Variants in HECTD4 observed in about 807,000 individuals in gnomAD.
The protein encoded by HECTD4 is probable E3 ubiquitin-protein ligase HECTD4.
A neutral mutation model predicts 471.5 loss-of-function variants in HECTD4; 114 were observed. That is an observed-to-expected ratio of 0.24 (90% confidence interval 0.21 to 0.28). HECTD4 has a LOEUF of 0.28. Ranked by LOEUF, HECTD4 falls within the 10% of genes least tolerant of loss-of-function variation. The pLI is 1.00. For synonymous variants in HECTD4, 2,012 were observed against 2,256.0 expected (o/e 0.89, Z 3.07); for missense variants, 3,866 against 5,651.5 (o/e 0.68, Z 10.13).
chr12:112,286,169 A>AC (rs1291908129), intron 7 of HECTD4, among the ~76,000 whole-genome samples: 1 of 152,236 alleles, frequency 6.6e-6, no homozygotes, highest in Non-Finnish European at 1.5e-5. Context: ...CTACTTTAGC[A>AC]AAGGCGCTCT....
intron 65 of HECTD4, among the ~76,000 whole-genome samples, chr12:112,176,257 G>C (rs2031443107): frequency 6.6e-6 from 1 of 152,234 alleles, no homozygotes; most frequent in South Asian, 2.1e-4. Flanking sequence ...GTGCCTTCTA[G>C]AACAAAGCGT....
chr12:112,298,148 C>T (rs1217542240), intron 7 of HECTD4, among the ~76,000 whole-genome samples: 1 of 152,008 alleles, frequency 6.6e-6, no homozygotes, highest in Admixed American at 6.6e-5. Context: ...AAATAAATGC[C>T]GTCAAGAGTT....
chr12:112,230,665 T>G (rs777395253), intron 40 of HECTD4, 22 bp downstream of exon 40: 1 of 1,592,772 alleles, frequency 6.3e-7, no homozygotes, highest in African/African-American at 1.3e-5. Context: ...TTTTCTCAGT[T>G]GAGTAGCAAC....
intron 7 of HECTD4, among the ~76,000 whole-genome samples, chr12:112,299,861 T>C (rs2035126001): frequency 6.6e-6 from 1 of 152,248 alleles, no homozygotes; most frequent in Admixed American, 6.5e-5. Context: ...TTTTAATTGT[T>C]CTATTTCCTC....
intron 1 of HECTD4, among the ~76,000 whole-genome samples, chr12:112,320,009 T>A (rs1456498425): frequency 1.3e-5 from 2 of 152,150 alleles, no homozygotes; most frequent in Non-Finnish European, 2.9e-5. Flanking sequence ...AGTGTGAAAG[T>A]CAGAAATTAA....
intron 1 of HECTD4, among the ~76,000 whole-genome samples, chr12:112,354,071 T>A (rs1358723192): frequency 6.6e-6 from 1 of 151,910 alleles, no homozygotes; most frequent in Admixed American, 6.6e-5. Flanking sequence ...AGATTTTTAT[T>A]TTTTATTTTG....
At chr12:112,348,021 G>T (rs910929524) in intron 1 of HECTD4, among the ~76,000 whole-genome samples, 1 of 152,026 alleles carries the variant, frequency 6.6e-6, no homozygotes. Context: ...GTCTGGATAG[G>T]CCATAGAGAT....
chr12:112,267,622 T>A (rs954955874), intron 13 of HECTD4, among the ~76,000 whole-genome samples: 1 of 152,118 alleles, frequency 6.6e-6, no homozygotes, highest in Non-Finnish European at 1.5e-5. Flanking sequence ...CAGAACTGGT[T>A]AGAGAGAATT....
chr12:112,217,340 C>T (rs978543547), intron 45 of HECTD4, 145 bp from the exon 46 acceptor site: 9 of 432,420 alleles, frequency 2.1e-5, no homozygotes, highest in Admixed American at 8.5e-5. Flanking sequence ...CACACATACA[C>T]ACACACACAC....
chr12:112,191,937 A>G (rs957291670), intron 59 of HECTD4, among the ~76,000 whole-genome samples: 4 of 152,160 alleles, frequency 2.6e-5, no homozygotes, highest in African/African-American at 9.7e-5. Flanking sequence ...CAAGCATGCC[A>G]AGGAGGAGCA....
At chr12:112,195,451 C>T (rs1199267595) in intron 55 of HECTD4, among the ~76,000 whole-genome samples, 9 of 152,118 alleles carry the variant, frequency 5.9e-5, no homozygotes, top group Non-Finnish European at 1.3e-4. Context: ...GACTGACATA[C>T]GCCACAATGG....
chr12:112,357,573 CA>C (rs2036365432), intron 1 of HECTD4, among the ~76,000 whole-genome samples: 1 of 152,116 alleles, frequency 6.6e-6, no homozygotes, highest in Admixed American at 6.6e-5. Context: ...GCAGTTCTCA[CA>C]AATTAGCCTC....
rs1029753333 is a variant in HECTD4, at chr12:112,298,897, A to C, written c.1335+7167T>G. On this transcript the variant is annotated intron_variant, in intron 7 of 75. Coordinates refer to ENST00000682272, the MANE Select transcript of HECTD4 (RefSeq NM_001388303.1). ...ACTCCATCTCAAAAAAAAAAAAAAA[A>C]CACAAAGTGCTGGGGTTACAGGCAT... is the stretch of plus-strand genomic sequence containing the variant. 5.9e-5 allele frequency among the ~76,000 whole-genome samples: 9 copies of C among 151,350 alleles called. No individual in the cohort carries two copies. The South Asian group carries it at 1.0e-3, about 18-fold the overall frequency.
intron 7 of HECTD4, among the ~76,000 whole-genome samples, chr12:112,293,085 G>T (rs908269150): frequency 3.3e-5 from 5 of 152,006 alleles, no homozygotes; most frequent in Non-Finnish European, 7.4e-5. Context: ...TCGAATGAGG[G>T]CCAGATGCAG....
chr12:112,334,229 A>G (rs915178098), intron 1 of HECTD4, among the ~76,000 whole-genome samples: 2 of 150,854 alleles, frequency 1.3e-5, no homozygotes, highest in African/African-American at 4.9e-5. Flanking sequence ...ATAAATAAAT[A>G]AATAAATAAA....
chr12:112,308,164 T>G (rs1192438447), intron 6 of HECTD4, among the ~76,000 whole-genome samples: 4 of 152,172 alleles, frequency 2.6e-5, no homozygotes, highest in Admixed American at 6.5e-5. Context: ...TGTGTTATGT[T>G]CTAAGGATAC....
intron 20 of HECTD4, 81 bp from the exon 21 acceptor site, chr12:112,256,599 T>G: frequency 1.0e-6 from 1 of 971,186 alleles, no homozygotes; most frequent in Non-Finnish European, 1.4e-6. Context: ...GCTCTTTAAT[T>G]TTCCACAGCA....
chr12:112,250,599 T>C (rs1473094350), intron 24 of HECTD4, among the ~76,000 whole-genome samples: 2 of 152,228 alleles, frequency 1.3e-5, no homozygotes. Context: ...AACTTTTAAA[T>C]GTACAGAAAA....
rs1267675735 is a variant in HECTD4 at position 112,209,873 on chromosome 12, C to G, written c.7867+142G>C. On this transcript the variant is annotated intron_variant, in intron 50 of 75. Transcript: ENST00000682272. ...TGCTCCCCACCTTCTTTCACCAGGC[C>G]TGTGACCCCATTACCAATGGGCACG... The G allele has an allele frequency of 1.3e-5, 9 of 682,740 alleles. No homozygotes were observed. The African/African-American group carries it at 1.6e-4, about 12-fold the overall frequency. 42.3% of individuals were successfully genotyped at this position (682,740 alleles called of 1,614,324 possible).
Sources: gnomAD v4.1 joint callset for allele counts (sites outside exome capture counted in the v4.1 genomes callset) on GRCh38, gnomAD v4.1.1 for gene constraint, MANE v1.5 for transcripts, NCBI Gene and HGNC (gene_info 2026-07-23, HGNC 2026-07-21) for gene names.